Variants in OR7E24 observed in about 807,000 individuals in gnomAD.
The protein encoded by OR7E24 is olfactory receptor family 7 subfamily E member 24.
For missense variants in OR7E24, 385 were observed against 410.3 expected (o/e 0.94, Z 0.53); for synonymous variants, 130 against 157.5 (o/e 0.83, Z 1.31).
the OR7E24 span, among the ~76,000 whole-genome samples, chr19:9,240,043 T>C: frequency 2.0e-5 from 3 of 152,132 alleles, no homozygotes; most frequent in African/African-American, 7.2e-5. Flanking sequence ...TTTTCTTTTT[T>C]AAAATTTAGT....
chr19:9,226,072 C>T, the OR7E24 span, among the ~76,000 whole-genome samples: 1 of 152,346 alleles, frequency 6.6e-6, no homozygotes, highest in South Asian at 2.1e-4. Flanking sequence ...GTCAATTACT[C>T]CTGCCAGGTG....
At chr19:9,250,670 G>A (rs2066142662), upstream of OR7E24, among the ~76,000 whole-genome samples, 1 of 152,182 alleles carries the variant, frequency 6.6e-6, no homozygotes, top group Non-Finnish European at 1.5e-5. Context: ...TTGTAGAATT[G>A]TATTAGAATA....
upstream of OR7E24, among the ~76,000 whole-genome samples, chr19:9,246,212 G>A (rs935005025): frequency 2.0e-5 from 3 of 151,482 alleles, no homozygotes; most frequent in Admixed American, 2.0e-4. Context: ...TGGGATTACA[G>A]GCACGGGCCA....
At chr19:9,218,119 C>T in the OR7E24 span, among the ~76,000 whole-genome samples, 6 of 152,198 alleles carry the variant, frequency 3.9e-5, no homozygotes, top group African/African-American at 1.4e-4. Flanking sequence ...CAAGGATTTA[C>T]GTGGTGCCCA....
chr19:9,230,130 C>T, the OR7E24 span, among the ~76,000 whole-genome samples: 153 of 151,972 alleles, frequency 1.0e-3, no homozygotes, highest in Non-Finnish European at 2.0e-3. Context: ...GCACAACCTC[C>T]GCCTCTTGGG....
upstream of OR7E24, among the ~76,000 whole-genome samples, chr19:9,244,641 A>G (rs1436548931): frequency 6.6e-6 from 1 of 152,214 alleles, no homozygotes; most frequent in Non-Finnish European, 1.5e-5. Flanking sequence ...TGGATTTGGT[A>G]ATGATTTGAT....
chr19:9,215,053 C>G, the OR7E24 span, among the ~76,000 whole-genome samples: 1 of 152,020 alleles, frequency 6.6e-6, no homozygotes, highest in African/African-American at 2.4e-5. Context: ...TTTTAGAAAT[C>G]TCTCTCTTTG....
chr19:9,214,778 A>G, the OR7E24 span: 89 of 1,613,820 alleles, frequency 5.5e-5, no homozygotes, highest in African/African-American at 1.1e-3. Context: ...GCAGTTCAGG[A>G]TCATCTGAGA....
upstream of OR7E24, chr19:9,247,510 G>A (rs977825333): frequency 5.3e-5 from 21 of 398,606 alleles, no homozygotes; most frequent in Admixed American, 6.2e-4. Context: ...GAGGGGAAGC[G>A]CAGCTCAGTG....
the OR7E24 span, among the ~76,000 whole-genome samples, chr19:9,227,749 C>CTTTTTTTTTTT: frequency 1.9e-5 from 2 of 107,906 alleles, no homozygotes; most frequent in East Asian, 2.7e-4. Context: ...AATGGTATTT[C>CTTTTTTTTTTT]TTTTTTTTTT....
At chr19:9,216,314 T>A in the OR7E24 span, among the ~76,000 whole-genome samples, 430 of 152,310 alleles carry the variant, frequency 2.8e-3, 5 homozygotes, top group African/African-American at 9.6e-3. Context: ...TGACCTTCTC[T>A]ATAGGCACTG....
the OR7E24 span, chr19:9,211,909 A>G: frequency 6.6e-6 from 1 of 151,038 alleles, no homozygotes; most frequent in African/African-American, 2.4e-5. Flanking sequence ...AAAAAATCTG[A>G]TGTGGTTTGT....
At chr19:9,238,237 TG>T in the OR7E24 span, among the ~76,000 whole-genome samples, 2,976 of 152,186 alleles carry the variant, frequency 0.02, 84 homozygotes, top group African/African-American at 0.068. Flanking sequence ...TGCATCACTG[TG>T]ACAGAGCAAG....
chr19:9,216,134 A>G, the OR7E24 span, among the ~76,000 whole-genome samples: 296 of 152,270 alleles, frequency 1.9e-3, 6 homozygotes, highest in African/African-American at 6.5e-3. Flanking sequence ...CCATGATTCA[A>G]TTTCCTCCCA....
the OR7E24 span, chr19:9,214,646 G>A: frequency 6.2e-7 from 1 of 1,614,166 alleles, no homozygotes; most frequent in East Asian, 2.2e-5. Flanking sequence ...AGGACAGGTT[G>A]GAGAGGAAGA....
chr19:9,213,412 A>G, the OR7E24 span: 1 of 152,074 alleles, frequency 6.6e-6, no homozygotes, highest in Admixed American at 6.5e-5. Flanking sequence ...AAGCAAAATC[A>G]TAGTTGTTTT....
the OR7E24 span, chr19:9,209,495 T>A: frequency 6.6e-6 from 1 of 152,134 alleles, no homozygotes; most frequent in East Asian, 1.9e-4. Context: ...GGCAGGAAAG[T>A]TTAAGGCAGG....
chr19:9,244,832 T>C (rs2066124759), upstream of OR7E24, among the ~76,000 whole-genome samples: 1 of 152,112 alleles, frequency 6.6e-6, no homozygotes, highest in African/African-American at 2.4e-5. Flanking sequence ...CTGTAAATCA[T>C]ATATATATGC....
chr19:9,222,560 CA>C, the OR7E24 span, among the ~76,000 whole-genome samples: 1 of 151,954 alleles, frequency 6.6e-6, no homozygotes, highest in African/African-American at 2.4e-5. Flanking sequence ...TTGGGGGTAC[CA>C]ATTATAAATA....
Sources: gnomAD v4.1 joint callset for allele counts (sites outside exome capture counted in the v4.1 genomes callset) on GRCh38, gnomAD v4.1.1 for gene constraint, MANE v1.5 for transcripts, NCBI Gene and HGNC (gene_info 2026-07-23, HGNC 2026-07-21) for gene names.